Variants in KLHL6 observed in about 807,000 individuals in gnomAD.
KLHL6 encodes the protein kelch-like protein 6.
A neutral mutation model predicts 58.6 loss-of-function variants in KLHL6; 41 were observed. The ratio of observed to expected loss-of-function variants is 0.70; its 90% CI spans 0.55 to 0.91. The LOEUF (loss-of-function observed/expected upper bound fraction) is 0.91, where lower values mean the gene tolerates loss of function less well. Among genes scored for constraint, KLHL6 ranks in the 40% least tolerant of loss-of-function variants. KLHL6 has a pLI of 0.00. For missense variants in KLHL6, 714 were observed against 805.6 expected (o/e 0.89, Z 1.38); for synonymous variants, 338 against 322.7 (o/e 1.05, Z -0.51).
chr3:183,539,285 A>G (rs1468569903), intron 1 of KLHL6, among the ~76,000 whole-genome samples: 1 of 152,234 alleles, frequency 6.6e-6, no homozygotes, highest in African/African-American at 2.4e-5. Flanking sequence ...GAATTCCATG[A>G]GGCCTATGGC....
At chr3:183,553,858 T>C (rs376729391) in intron 1 of KLHL6, among the ~76,000 whole-genome samples, 1 of 152,112 alleles carries the variant, frequency 6.6e-6, no homozygotes, top group East Asian at 1.9e-4. Flanking sequence ...CAGCAGCCAC[T>C]GCTTCCCTCA....
At chr3:183,539,090 T>A (rs887363650) in intron 1 of KLHL6, among the ~76,000 whole-genome samples, 1 of 152,194 alleles carries the variant, frequency 6.6e-6, no homozygotes, top group Non-Finnish European at 1.5e-5. Context: ...CATAATTCCT[T>A]TGCAAAGCAA....
At chr3:183,519,288 A>C (rs7632397) in intron 2 of KLHL6, among the ~76,000 whole-genome samples, 1 of 152,170 alleles carries the variant, frequency 6.6e-6, no homozygotes, top group Non-Finnish European at 1.5e-5. Context: ...TGCAAGGACC[A>C]ATGACCAGAA....
chr3:183,488,422 T>TA lies in KLHL6; in HGVS notation c.*3504dup, dbSNP rs1453548707. 6.6e-6 allele frequency: 1 copy of TA among 152,400 alleles called. No homozygotes were observed. The highest frequency in any genetic ancestry group is 1.5e-5 in the Non-Finnish European group (1 of 68,178). 9.4% of individuals were successfully genotyped at this position (152,400 alleles called of 1,614,324 possible). A position where few individuals can be genotyped will look rare whatever the true frequency, so the allele number is the denominator to read the frequency against. ...TATTCTCCCTCACCCTTCTTGGGAC[T>TA]AGAGCCAAGCTCACAAACTCCAGGG... On this transcript the variant is annotated 3_prime_UTR_variant, in exon 7 of 7. Transcript: ENST00000341319.
At chr3:183,495,376 T>A (rs1002769307) in intron 4 of KLHL6, among the ~76,000 whole-genome samples, 1 of 152,188 alleles carries the variant, frequency 6.6e-6, no homozygotes, top group Non-Finnish European at 1.5e-5. Flanking sequence ...TTTCGCTTAC[T>A]ATGAGGGAAG....
At chr3:183,495,644 T>G (rs560044222) in intron 4 of KLHL6, among the ~76,000 whole-genome samples, 1 of 151,526 alleles carries the variant, frequency 6.6e-6, no homozygotes, top group African/African-American at 2.4e-5. Context: ...ATTGTGAAGA[T>G]GTCAACCCTC....
chr3:183,520,983 A>C (rs943948960), intron 2 of KLHL6: 6 of 152,156 alleles, frequency 3.9e-5, no homozygotes, highest in Admixed American at 3.3e-4. Flanking sequence ...GCCATATCTC[A>C]GGCTGTCTCA....
intron 2 of KLHL6, among the ~76,000 whole-genome samples, chr3:183,512,831 T>C (rs1462284409): frequency 6.6e-6 from 1 of 151,418 alleles, no homozygotes; most frequent in South Asian, 2.1e-4. Context: ...AATATATATA[T>C]AAAATAAAGT....
chr3:183,541,214 C>G (rs1345220929), intron 1 of KLHL6, among the ~76,000 whole-genome samples: 1 of 152,228 alleles, frequency 6.6e-6, no homozygotes, highest in Non-Finnish European at 1.5e-5. Context: ...CAAAGATGAT[C>G]CTATGTGCGT....
rs397991831 is a variant in KLHL6 at position 183,546,911 on chromosome 3, C to CTTT, written c.293+8447_293+8449dup. ...GGACTGAAACCCCAGTGCCATAAGT[C>CTTT]TTTTTTTTTTTTTTTTTTGACGGAA... is the stretch of plus-strand genomic sequence containing the variant. On this transcript the variant is annotated intron_variant, in intron 1 of 6. Coordinates refer to ENST00000341319, the MANE Select transcript of KLHL6 (RefSeq NM_130446.4). Among the ~76,000 whole-genome samples, 44 of 132,722 alleles carry CTTT rather than the reference C, an allele frequency of 3.3e-4. 1 individual carries two copies. The highest frequency in any genetic ancestry group is 9.7e-4 in the South Asian group (4 of 4,138). The allele number at this position is 132,722 out of a possible 152,430, so 87.1% of individuals were successfully genotyped here. A position where few individuals can be genotyped will look rare whatever the true frequency, so the allele number is the denominator to read the frequency against.
intron 2 of KLHL6, 137 bp from the exon 3 acceptor site, chr3:183,508,645 T>C (rs902806025): frequency 1.9e-5 from 13 of 672,092 alleles, no homozygotes; most frequent in Middle Eastern, 4.0e-4. Flanking sequence ...TAAATACATA[T>C]AATTCATTCA....
chr3:183,555,269 C>T, intron 1 of KLHL6, 92 bp downstream of exon 1: 1 of 1,028,582 alleles, frequency 9.7e-7, no homozygotes, highest in South Asian at 1.5e-5. Flanking sequence ...CCATAAATAT[C>T]ATGGCCAACT....
At chr3:183,538,768 T>C (rs1384401535) in intron 1 of KLHL6, among the ~76,000 whole-genome samples, 4 of 152,198 alleles carry the variant, frequency 2.6e-5, no homozygotes, top group African/African-American at 9.7e-5. Flanking sequence ...CACCAAAACC[T>C]GAGCCAATAC....
At chr3:183,504,003 G>A (rs1044477810) in intron 3 of KLHL6, among the ~76,000 whole-genome samples, 1 of 152,146 alleles carries the variant, frequency 6.6e-6, no homozygotes, top group African/African-American at 2.4e-5. Context: ...CATGGTGGCT[G>A]GTTGGTTGGT....
At chr3:183,554,405 A>T (rs1713035336) in intron 1 of KLHL6, among the ~76,000 whole-genome samples, 1 of 152,216 alleles carries the variant, frequency 6.6e-6, no homozygotes, top group South Asian at 2.1e-4. Flanking sequence ...CTGAAAGGTG[A>T]TCATCATTGT....
intron 2 of KLHL6, among the ~76,000 whole-genome samples, chr3:183,519,914 A>G (rs1406576030): frequency 6.6e-6 from 1 of 150,810 alleles, no homozygotes; most frequent in Non-Finnish European, 1.5e-5. Context: ...AAAAAAAAAA[A>G]AAACAAGAAA....
chr3:183,543,233 G>T (rs926111546), intron 1 of KLHL6, among the ~76,000 whole-genome samples: 26 of 151,802 alleles, frequency 1.7e-4, no homozygotes, highest in African/African-American at 5.3e-4. Context: ...GTTGCAGTGA[G>T]CTGAGATCGC....
At chr3:183,540,498 G>A (rs1712516572) in intron 1 of KLHL6, among the ~76,000 whole-genome samples, 1 of 152,156 alleles carries the variant, frequency 6.6e-6, no homozygotes, top group Non-Finnish European at 1.5e-5. Flanking sequence ...GCAGGGCGGA[G>A]TGATACAATT....
chr3:183,507,352 G>C (rs1026707416), intron 3 of KLHL6, among the ~76,000 whole-genome samples: 1 of 152,176 alleles, frequency 6.6e-6, no homozygotes, highest in Non-Finnish European at 1.5e-5. Context: ...TTTCACCAGA[G>C]TGGGCAAGGA....
Sources: allele counts gnomAD v4.1 joint callset (sites outside exome capture counted in the v4.1 genomes callset), GRCh38; gene constraint gnomAD v4.1.1; transcripts MANE v1.5; gene names NCBI Gene and HGNC (gene_info 2026-07-23, HGNC 2026-07-21).